The following PIGK variants were observed in gnomAD, a reference collection of about 807,000 sequenced individuals.
PIGK encodes the protein phosphatidylinositol glycan anchor biosynthesis class K, also known as GPI-anchor transamidase.
Under a neutral mutation model 50.6 loss-of-function variants are expected in PIGK, and 42 were observed. The observed-to-expected ratio is 0.83, with a 90% CI of 0.65 to 1.07. The LOEUF (loss-of-function observed/expected upper bound fraction) is 1.07. PIGK is among the 50% of genes least tolerant of loss of function. PIGK has a pLI of 0.00. For synonymous variants in PIGK, 151 were observed against 156.0 expected, an observed-to-expected ratio of 0.97 and a Z score of 0.24; for missense variants, 448 against 488.7, an observed-to-expected ratio of 0.92 and a Z score of 0.78.
intron 9 of PIGK, among the ~76,000 whole-genome samples, chr1:77,145,861 C>T (rs373573524): frequency 6.6e-6 from 1 of 151,786 alleles, no homozygotes; most frequent in South Asian, 2.1e-4. Context: ...TACAATGCAA[C>T]AAAATAAAGT....
At chr1:77,147,226 G>A (rs1257424490) in intron 9 of PIGK, among the ~76,000 whole-genome samples, 1 of 152,084 alleles carries the variant, frequency 6.6e-6, no homozygotes, top group Admixed American at 6.6e-5. Flanking sequence ...ACTACCATGA[G>A]AACAGTATGG....
intron 9 of PIGK, 200 bp downstream of exon 9, chr1:77,154,249 C>T (rs1468476457): frequency 1.8e-5 from 10 of 547,172 alleles, no homozygotes; most frequent in South Asian, 2.9e-5. Context: ...ATAATCCTAA[C>T]GATGATCTTA....
chr1:77,092,617 A>G, intron 10 of PIGK, 127 bp from the exon 11 acceptor site: 1 of 650,920 alleles, frequency 1.5e-6, no homozygotes, highest in Non-Finnish European at 2.8e-6. Context: ...TAGTCAAATT[A>G]AACACATTGG....
chr1:77,179,808 T>C (rs989760509), intron 3 of PIGK, among the ~76,000 whole-genome samples: 1 of 152,220 alleles, frequency 6.6e-6, no homozygotes, highest in Admixed American at 6.5e-5. Context: ...TTGTACACTA[T>C]GTAATTCATA....
chr1:77,154,023 C>G (rs550779999), intron 9 of PIGK: 13 of 181,552 alleles, frequency 7.2e-5, no homozygotes, highest in African/African-American at 2.8e-4. Flanking sequence ...AACTTCCTCT[C>G]TCTTACAAAT....
intron 2 of PIGK, among the ~76,000 whole-genome samples, chr1:77,207,606 A>C (rs1158188191): frequency 6.6e-6 from 1 of 152,206 alleles, no homozygotes; most frequent in Non-Finnish European, 1.5e-5. Context: ...AAAATTCCTG[A>C]GAATTATATT....
chr1:77,188,671 A>C (rs953146102), intron 3 of PIGK, among the ~76,000 whole-genome samples: 1 of 152,164 alleles, frequency 6.6e-6, no homozygotes, highest in Non-Finnish European at 1.5e-5. Context: ...AAAATCCCTA[A>C]TAAAAACTTG....
intron 9 of PIGK, among the ~76,000 whole-genome samples, chr1:77,139,885 C>A (rs1370547847): frequency 1.3e-5 from 2 of 152,138 alleles, no homozygotes; most frequent in Admixed American, 1.3e-4. Flanking sequence ...CAAACCATCC[C>A]TCTAAACTCA....
intron 8 of PIGK, among the ~76,000 whole-genome samples, chr1:77,158,434 T>C (rs1394593958): frequency 6.6e-6 from 1 of 152,150 alleles, no homozygotes; most frequent in East Asian, 1.9e-4. Context: ...GCTATTAAGA[T>C]ACCCGAAAAT....
chr1:77,176,182 T>G (rs1198373868), intron 3 of PIGK, among the ~76,000 whole-genome samples: 4 of 152,182 alleles, frequency 2.6e-5, no homozygotes, highest in Admixed American at 2.6e-4. Flanking sequence ...TAATTCTATT[T>G]CATATCAAGT....
chr1:77,138,934 G>T (rs1654583126), intron 9 of PIGK, among the ~76,000 whole-genome samples: 1 of 152,048 alleles, frequency 6.6e-6, no homozygotes, highest in South Asian at 2.1e-4. Flanking sequence ...TATTCCCAGG[G>T]AAGCCTCTTT....
chr1:77,126,757 T>A (rs1210427478), intron 9 of PIGK, among the ~76,000 whole-genome samples: 1 of 152,176 alleles, frequency 6.6e-6, no homozygotes, highest in Non-Finnish European at 1.5e-5. Context: ...ACTACAAATA[T>A]TAATTTCAAT....
chr1:77,153,359 G>A (rs1389318047), intron 9 of PIGK, among the ~76,000 whole-genome samples: 1 of 152,000 alleles, frequency 6.6e-6, no homozygotes, highest in Non-Finnish European at 1.5e-5. Context: ...GAAAGTGTTT[G>A]GGAGGAGAAT....
chr1:77,135,471 A>C (rs1391977184), intron 9 of PIGK, among the ~76,000 whole-genome samples: 1 of 152,038 alleles, frequency 6.6e-6, no homozygotes, highest in Non-Finnish European at 1.5e-5. Flanking sequence ...GGTGAGCAGT[A>C]GTTGCCTGTA....
intron 1 of PIGK, among the ~76,000 whole-genome samples, chr1:77,212,314 GTTC>G (rs1205582363): frequency 6.6e-6 from 1 of 152,152 alleles, no homozygotes; most frequent in Non-Finnish European, 1.5e-5. Context: ...AAACAGGAAA[GTTC>G]TTTAACTTTT....
At chr1:77,191,314 A>G (rs530099531) in intron 3 of PIGK, among the ~76,000 whole-genome samples, 1 of 152,330 alleles carries the variant, frequency 6.6e-6, no homozygotes, top group South Asian at 2.1e-4. Context: ...TTAAACTACT[A>G]TGTGCAATCT....
chr1:77,209,647 G>C (rs1375955554), intron 2 of PIGK, among the ~76,000 whole-genome samples: 3 of 152,032 alleles, frequency 2.0e-5, no homozygotes, highest in Non-Finnish European at 4.4e-5. Context: ...GTTCAACACA[G>C]CCCTGTTTAC....
At chr1:77,116,215 G>A (rs200089757) in intron 10 of PIGK, among the ~76,000 whole-genome samples, 3 of 151,240 alleles carry the variant, frequency 2.0e-5, no homozygotes, top group East Asian at 3.9e-4. Flanking sequence ...ACAGAGTCTC[G>A]CTCTGTCGCC....
chr1:77,108,869 C>T (rs2100517354), intron 10 of PIGK, among the ~76,000 whole-genome samples: 1 of 152,298 alleles, frequency 6.6e-6, no homozygotes, highest in South Asian at 2.1e-4. Context: ...ACCCTTTCTT[C>T]AAGTTGATTG....
Sources: allele counts gnomAD v4.1 joint callset (sites outside exome capture counted in the v4.1 genomes callset), GRCh38; gene constraint gnomAD v4.1.1; transcripts MANE v1.5; gene names NCBI Gene and HGNC (gene_info 2026-07-23, HGNC 2026-07-21).